Variants in CCSER1 observed in about 807,000 individuals in gnomAD.
CCSER1 encodes the protein coiled-coil serine rich protein 1, also known as serine-rich coiled-coil domain-containing protein 1.
Under a neutral mutation model 82.0 loss-of-function variants are expected in CCSER1, and 41 were observed. The observed-to-expected ratio is 0.50, with a 90% CI of 0.39 to 0.65. The LOEUF (loss-of-function observed/expected upper bound fraction) is 0.65. CCSER1 is among the 30% of genes least tolerant of loss of function. The probability of loss-of-function intolerance (pLI) is 0.00; values close to 1 mark genes in which losing one functional copy is unlikely to be tolerated. For missense variants in CCSER1, 1,119 were observed against 1,064.2 expected (o/e 1.05, Z -0.72); for synonymous variants, 414 against 383.9 (o/e 1.08, Z -0.92).
chr4:91,108,110 G>A (rs921294282), intron 10 of CCSER1: 37 of 152,282 alleles, frequency 2.4e-4, no homozygotes, highest in Admixed American at 2.3e-3. Context: ...CCTATGAAGA[G>A]AGACAAATGT....
Position 90,924,705 on chromosome 4 carries a change from A to G in CCSER1, c.2172+1258A>G, listed in dbSNP as rs893695298. Among the ~76,000 whole-genome samples, 3 of 151,998 alleles carry G rather than the reference A, an allele frequency of 2.0e-5. No homozygotes were observed. The East Asian group carries it at 5.8e-4, about 29-fold the overall frequency. On this transcript the variant is annotated intron_variant, in intron 9 of 10. Coordinates refer to ENST00000509176, the MANE Select transcript of CCSER1 (RefSeq NM_001145065.2). ...TGAGGGATTTTTTTCCTGTCTAAAA[A>G]CTTGGTTTTTTGTTGTTGTTGTTTG... is the stretch of plus-strand genomic sequence containing the variant.
chr4:90,953,344 T>C lies in CCSER1; in HGVS notation c.2172+29897T>C, dbSNP rs575298578. Among the ~76,000 whole-genome samples, 18 of 151,398 alleles carry C rather than the reference T, an allele frequency of 1.2e-4. No homozygotes were observed. The South Asian group carries it at 3.5e-3, about 30-fold the overall frequency. On this transcript the variant is annotated intron_variant, in intron 9 of 10. Coordinates refer to ENST00000509176, the MANE Select transcript of CCSER1 (RefSeq NM_001145065.2). ...TCATTTAAAGTAGTATTTCATTGAT[T>C]TTTTTTTATTTTAACAAACATAAAT... is the stretch of plus-strand genomic sequence containing the variant.
At chr4:90,500,785 G>C (rs988447593) in intron 5 of CCSER1, among the ~76,000 whole-genome samples, 1 of 152,010 alleles carries the variant, frequency 6.6e-6, no homozygotes, top group Non-Finnish European at 1.5e-5. Flanking sequence ...GACCTATTCT[G>C]GTGGCAATGT....
chr4:90,650,992 C>G (rs1728651009), intron 6 of CCSER1, among the ~76,000 whole-genome samples: 1 of 152,086 alleles, frequency 6.6e-6, no homozygotes, highest in Non-Finnish European at 1.5e-5. Flanking sequence ...TACTAAGTGC[C>G]TTTGGGGAAG....
chr4:90,135,587 A>G (rs1032851740), intron 1 of CCSER1, among the ~76,000 whole-genome samples: 1 of 152,210 alleles, frequency 6.6e-6, no homozygotes, highest in African/African-American at 2.4e-5. Context: ...TTGCTCCTGC[A>G]TAGTTAGACT....
rs117738783 is a variant in CCSER1 at position 91,127,188 on chromosome 4, C to A, written c.2217+41194C>A. Reference sequence around the variant, plus strand: ...TTGAATCTGTAAATACTCCACAAATCCCTGTGATAGTGGTGGAATTCTGAA... The same window carrying A: ...TTGAATCTGTAAATACTCCACAAATACCTGTGATAGTGGTGGAATTCTGAA... On this transcript the variant is annotated intron_variant, in intron 10 of 10. Coordinates refer to ENST00000509176, the MANE Select transcript of CCSER1 (RefSeq NM_001145065.2). Among the ~76,000 whole-genome samples the A allele has an allele frequency of 9.9e-5, 15 of 152,048 alleles. No individual in the cohort carries two copies. In the East Asian group the frequency reaches 2.7e-3, roughly 27 times the overall value.
At chr4:90,431,433 CAG>C (rs1272103255) in intron 4 of CCSER1, among the ~76,000 whole-genome samples, 3 of 151,978 alleles carry the variant, frequency 2.0e-5, no homozygotes, top group African/African-American at 7.2e-5. Context: ...AATAGTACAC[CAG>C]AGAGTCTTAG....
chr4:91,547,715 G>A (rs898157602), intron 10 of CCSER1, among the ~76,000 whole-genome samples: 3 of 151,970 alleles, frequency 2.0e-5, no homozygotes, highest in African/African-American at 7.2e-5. Context: ...TATCATATTT[G>A]TTTCTATTTT....
At chr4:91,407,259 T>A (rs934242094) in intron 10 of CCSER1, among the ~76,000 whole-genome samples, 1 of 152,178 alleles carries the variant, frequency 6.6e-6, no homozygotes, top group Non-Finnish European at 1.5e-5. Context: ...TCAAAGATTT[T>A]AAAAATTAAG....
chr4:90,683,899 C>A (rs1166839270), intron 6 of CCSER1, among the ~76,000 whole-genome samples: 1 of 151,930 alleles, frequency 6.6e-6, no homozygotes, highest in Non-Finnish European at 1.5e-5. Context: ...AGGAATGGAA[C>A]AAAATAATTA....
rs1291076405 is a variant in CCSER1, at chr4:90,665,884, G to C, written c.1932+37652G>C. Among the ~76,000 whole-genome samples, 28 of 152,108 alleles carry C rather than the reference G, an allele frequency of 1.8e-4. 1 individual carries two copies. The highest frequency in any genetic ancestry group is 1.8e-3 in the Admixed American group (28 of 15,284). On this transcript the variant is annotated intron_variant, in intron 6 of 10. Coordinates refer to ENST00000509176, the MANE Select transcript of CCSER1 (RefSeq NM_001145065.2). ...AGGTGTTGGCAGTTTGGGCTCTTAT[G>C]TGGACCTTCTGACAGTGGGAGGTGT...
At chr4:90,900,288 T>A (rs1479607243) in intron 8 of CCSER1, among the ~76,000 whole-genome samples, 1 of 151,958 alleles carries the variant, frequency 6.6e-6, no homozygotes, top group Non-Finnish European at 1.5e-5. Flanking sequence ...GAACGTATTG[T>A]ATTTCTGTGG....
At chr4:90,924,027 G>T (rs1728745782) in intron 9 of CCSER1, among the ~76,000 whole-genome samples, 1 of 152,116 alleles carries the variant, frequency 6.6e-6, no homozygotes, top group East Asian at 1.9e-4. Context: ...AACACTGGAT[G>T]ATTTGGGAAA....
intron 1 of CCSER1, among the ~76,000 whole-genome samples, chr4:90,141,858 C>T (rs1724854480): frequency 6.6e-6 from 1 of 152,176 alleles, no homozygotes; most frequent in Admixed American, 6.5e-5. Context: ...TATGCTTGCC[C>T]ACTGCAGGTC....
chr4:90,831,427 A>AT (rs1761097742), intron 8 of CCSER1, among the ~76,000 whole-genome samples: 1 of 152,090 alleles, frequency 6.6e-6, no homozygotes, highest in Non-Finnish European at 1.5e-5. Context: ...GCATTTATAT[A>AT]TTTTTTCCTC....
intron 10 of CCSER1, among the ~76,000 whole-genome samples, chr4:91,416,962 A>T (rs370553288): frequency 6.6e-6 from 1 of 152,332 alleles, no homozygotes; most frequent in East Asian, 1.9e-4. Context: ...CCATCTGACA[A>T]AGGTCTAATA....
intron 1 of CCSER1, among the ~76,000 whole-genome samples, chr4:90,168,863 A>G (rs112921666): frequency 1.0e-4 from 15 of 147,696 alleles, no homozygotes; most frequent in East Asian, 4.2e-4. Flanking sequence ...GTACCATGCT[A>G]TTTTGGTTAC....
At chr4:91,027,029 A>G (rs1446994160) in intron 9 of CCSER1, among the ~76,000 whole-genome samples, 1 of 152,044 alleles carries the variant, frequency 6.6e-6, no homozygotes, top group Non-Finnish European at 1.5e-5. Context: ...AGAGCAGATT[A>G]TTTTCTCTTC....
chr4:91,021,340 T>A (rs1010153448), intron 9 of CCSER1, among the ~76,000 whole-genome samples: 2 of 152,082 alleles, frequency 1.3e-5, no homozygotes, highest in African/African-American at 4.8e-5. Context: ...CAGATTGTTT[T>A]TATGCAAAAA....
Sources: allele counts gnomAD v4.1 joint callset (sites outside exome capture counted in the v4.1 genomes callset), GRCh38; gene constraint gnomAD v4.1.1; transcripts MANE v1.5; gene names NCBI Gene and HGNC (gene_info 2026-07-23, HGNC 2026-07-21).